STAU1: variants seen among roughly 807,000 people sequenced by gnomAD.
The protein encoded by STAU1 is double-stranded RNA-binding protein Staufen homolog 1.
STAU1 carries 13 observed loss-of-function variants against 62.9 expected under a neutral mutation model. That is an observed-to-expected ratio of 0.21 (90% confidence interval 0.13 to 0.33). The LOEUF is 0.33. STAU1 is among the 10% of genes least tolerant of loss of function. The pLI, the probability that STAU1 is intolerant of heterozygous loss-of-function variation, is 1.00. For missense variants in STAU1, 571 were observed against 712.1 expected, an observed-to-expected ratio of 0.80 and a Z score of 2.25; for synonymous variants, 269 against 265.1, an observed-to-expected ratio of 1.01 and a Z score of -0.14.
intron 8 of STAU1, among the ~76,000 whole-genome samples, chr20:49,121,300 C>CG (rs1437087173): frequency 1.3e-5 from 2 of 151,930 alleles, no homozygotes; most frequent in Non-Finnish European, 2.9e-5. Context: ...CCCAGCTACT[C>CG]GGGAGGCTGA....
intron 9 of STAU1, among the ~76,000 whole-genome samples, chr20:49,119,707 CAAAT>C (rs1023373051): frequency 7.2e-5 from 11 of 152,274 alleles, no homozygotes; most frequent in Admixed American, 5.9e-4. Flanking sequence ...CCTCATCCTA[CAAAT>C]AGAGAGGAGC....
chr20:49,140,769 A>T (rs1438872830), intron 5 of STAU1, among the ~76,000 whole-genome samples: 1 of 152,202 alleles, frequency 6.6e-6, no homozygotes, highest in Non-Finnish European at 1.5e-5. Context: ...TGGTGCACTT[A>T]AAAATGTTTA....
At chr20:49,130,272 G>A (rs1333215114) in intron 6 of STAU1, among the ~76,000 whole-genome samples, 1 of 152,198 alleles carries the variant, frequency 6.6e-6, no homozygotes, top group East Asian at 1.9e-4. Flanking sequence ...TATAGGGACA[G>A]AATGAGATCA....
chr20:49,124,310 C>T (rs2092540040), intron 7 of STAU1, 65 bp downstream of exon 7: 36 of 1,536,554 alleles, frequency 2.3e-5, no homozygotes, highest in Non-Finnish European at 2.9e-5. Context: ...CAGCGACCAG[C>T]CTTCTAAACC....
In STAU1 at chr20:49,117,202, G is replaced by A; in HGVS notation, c.1556C>T (p.Ser519Phe). 8 of 1,614,122 alleles carry A rather than the reference G, an allele frequency of 5.0e-6. No individual in the cohort carries two copies. Among genetic ancestry groups the A allele is most frequent in the Non-Finnish European group, 6.8e-6 (8 of 1,179,988 alleles). ...FPKNNKNEFV[S>F]LINCSSQPPL... ...TGGCTGAGAGGAGCAATTGATAAGA[G>A]ATACAAATTCGTTCTTGTTGTTTTT... Residue 519 changes from serine (S) to phenylalanine (F), a missense_variant, in exon 12 of 14, where the codon TCT becomes TTT. Ser to Phe is a radical substitution (Grantham distance 155). This residue lies in a region of STAU1 where 156 missense variants were observed against 194.7 expected (regional missense o/e 0.80). Coordinates refer to ENST00000371856, the MANE Select transcript of STAU1 (RefSeq NM_017453.4). This position sits in a 1 kb window ranked among gnomAD's most constrained non-coding sequence, Gnocchi z 4.6.
intron 3 of STAU1, among the ~76,000 whole-genome samples, chr20:49,158,673 G>A (rs1300006555): frequency 2.0e-5 from 3 of 152,012 alleles, no homozygotes; most frequent in Non-Finnish European, 4.4e-5. Flanking sequence ...AGCCAGGCGT[G>A]GTGGCATGCA....
Position 49,159,178 on chromosome 20 carries a change from C to T in STAU1, c.206-5107G>A, listed in dbSNP as rs1428079105. ...AAAAAAAAACACACAAAGTTATTCTCGTGAACCGTCTTGCCTTTCTCTAGG... is the reference window on the plus strand; with the variant it reads ...AAAAAAAAACACACAAAGTTATTCTTGTGAACCGTCTTGCCTTTCTCTAGG... On this transcript the variant is annotated intron_variant, in intron 3 of 13. Coordinates refer to ENST00000371856, the MANE Select transcript of STAU1 (RefSeq NM_017453.4). The T allele has an allele frequency of 3.7e-6, 4 of 1,073,842 alleles. No homozygotes were observed. The East Asian group carries it at 2.6e-4, about 70-fold the overall frequency. 66.5% of individuals were successfully genotyped at this position (1,073,842 alleles called of 1,614,324 possible). A position where few individuals can be genotyped will look rare whatever the true frequency, so the allele number is the denominator to read the frequency against.
At chr20:49,217,896 G>A in the STAU1 span, among the ~76,000 whole-genome samples, 2 of 151,248 alleles carry the variant, frequency 1.3e-5, no homozygotes, top group South Asian at 2.1e-4. Flanking sequence ...TTTTTGAGAC[G>A]GAGTTTCCCT....
chr20:49,171,276 A>G (rs1465028901), intron 2 of STAU1, among the ~76,000 whole-genome samples: 1 of 152,162 alleles, frequency 6.6e-6, no homozygotes. Context: ...TACCCACATC[A>G]TTCCTTATAC....
chr20:49,114,972 T>C, intron 13 of STAU1, 79 bp from the exon 14 acceptor site: 11 of 1,472,764 alleles, frequency 7.5e-6, no homozygotes, highest in Non-Finnish European at 1.0e-5. Context: ...GAAAAGAAAT[T>C]GGCAAACATC....
intron 3 of STAU1, chr20:49,158,901 T>A (rs2146313282): frequency 1.4e-6 from 1 of 739,260 alleles, no homozygotes; most frequent in East Asian, 7.4e-5. Context: ...AGACTCCATC[T>A]CAAAAATAAA....
chr20:49,212,500 G>A, the STAU1 span, among the ~76,000 whole-genome samples: 1 of 151,908 alleles, frequency 6.6e-6, no homozygotes, highest in East Asian at 1.9e-4. Context: ...TTTAGATAAA[G>A]GCTTATTCAT....
intron 6 of STAU1, among the ~76,000 whole-genome samples, chr20:49,130,127 T>A (rs893862554): frequency 6.6e-6 from 1 of 152,122 alleles, no homozygotes; most frequent in South Asian, 2.1e-4. Context: ...TATGTAACAC[T>A]CTTGGTGATA....
the STAU1 span, among the ~76,000 whole-genome samples, chr20:49,216,405 G>A: frequency 6.6e-6 from 1 of 151,808 alleles, no homozygotes; most frequent in Non-Finnish European, 1.5e-5. Flanking sequence ...GCGGGTGCCT[G>A]TAATCCCAGC....
chr20:49,162,219 G>T (rs1222161092), intron 3 of STAU1, among the ~76,000 whole-genome samples: 2 of 152,094 alleles, frequency 1.3e-5, no homozygotes, highest in African/African-American at 2.4e-5. Context: ...AAAATAAAAT[G>T]ATGTTGGTGG....
chr20:49,146,097 T>C (rs1292416781), intron 5 of STAU1, among the ~76,000 whole-genome samples: 2 of 151,914 alleles, frequency 1.3e-5, no homozygotes, highest in African/African-American at 2.4e-5. Flanking sequence ...TGGTGAAACC[T>C]CGTCTCTACC....
chr20:49,194,948 A>G, the STAU1 span, among the ~76,000 whole-genome samples: 1 of 152,072 alleles, frequency 6.6e-6, no homozygotes, highest in African/African-American at 2.4e-5. Context: ...AAAGTAAAAA[A>G]AAAAATAATA....
Position 49,118,412 on chromosome 20 carries a change from A to T in STAU1, c.1114-4T>A, listed in dbSNP as rs552379725. On this transcript the variant is annotated splice_region_variant and splice_polypyrimidine_tract_variant and intron_variant, in intron 9 of 13. Transcript: ENST00000371856. ...CCCCTGGTTTCTTTATGGGTGTCTT[A>T]AAAAAGAAGAAGAAAAAAAAAAGGC... 1 of 1,602,024 alleles carries T rather than the reference A, an allele frequency of 6.2e-7. No homozygotes were observed. Among genetic ancestry groups the T allele is most frequent in the African/African-American group, 1.3e-5 (1 of 74,156 alleles).
intron 5 of STAU1, among the ~76,000 whole-genome samples, chr20:49,136,188 C>T (rs997118224): frequency 2.0e-5 from 3 of 152,056 alleles, no homozygotes; most frequent in South Asian, 2.1e-4. Context: ...GTAGTTCCAA[C>T]TACTTGGAGG....
Sources: gnomAD v4.1 joint callset for allele counts (sites outside exome capture counted in the v4.1 genomes callset) on GRCh38, gnomAD v4.1.1 for gene constraint, gnomAD v4.1.1 regional missense constraint, Gnocchi (gnomAD v3.1) non-coding constraint, MANE v1.5 for transcripts, NCBI Gene and HGNC (gene_info 2026-07-23, HGNC 2026-07-21) for gene names.